Variants in EBF1 observed in about 807,000 individuals in gnomAD.
The protein encoded by EBF1 is transcription factor COE1.
EBF1 carries 10 observed loss-of-function variants against 68.4 expected under a neutral mutation model. That is an observed-to-expected ratio of 0.15 (90% CI 0.09 to 0.25). The LOEUF is 0.25. EBF1 is among the 10% of genes least tolerant of loss of function. The pLI, the probability that EBF1 is intolerant of heterozygous loss-of-function variation, is 1.00. For missense variants in EBF1, 509 were observed against 794.4 expected, an observed-to-expected ratio of 0.64 and a Z score of 4.32; for synonymous variants, 298 against 299.8, an observed-to-expected ratio of 0.99 and a Z score of 0.06.
intron 5 of EBF1, among the ~76,000 whole-genome samples, chr5:159,076,744 C>G (rs755688423): frequency 6.6e-5 from 10 of 152,194 alleles, no homozygotes; most frequent in Non-Finnish European, 1.2e-4. Context: ...GGCTTCTGTT[C>G]TGCACCTCAA....
intron 6 of EBF1, among the ~76,000 whole-genome samples, chr5:159,052,315 T>G (rs1773903019): frequency 6.9e-6 from 1 of 143,984 alleles, no homozygotes; most frequent in Non-Finnish European, 1.5e-5. Flanking sequence ...GTGAAAACTA[T>G]CCTTTGGACG....
intron 6 of EBF1, among the ~76,000 whole-genome samples, chr5:158,897,382 T>C (rs1802379998): frequency 6.6e-6 from 1 of 151,814 alleles, no homozygotes. Flanking sequence ...CATGGACACA[T>C]AGAGGGAAAC....
At chr5:159,008,001 T>C (rs953386619) in intron 6 of EBF1, among the ~76,000 whole-genome samples, 1 of 152,222 alleles carries the variant, frequency 6.6e-6, no homozygotes, top group Admixed American at 6.5e-5. Flanking sequence ...CAATGATCCA[T>C]TTAATCATGA....
intron 10 of EBF1, among the ~76,000 whole-genome samples, chr5:158,758,204 C>A (rs562695693): frequency 6.6e-6 from 1 of 152,180 alleles, no homozygotes; most frequent in Non-Finnish European, 1.5e-5. Flanking sequence ...AAGGTCTTGA[C>A]TCTTGATCCA....
chr5:158,836,267 A>G (rs1037091481), intron 7 of EBF1, among the ~76,000 whole-genome samples: 1 of 152,192 alleles, frequency 6.6e-6, no homozygotes, highest in African/African-American at 2.4e-5. Context: ...TTCTCAGTGC[A>G]TAAATAGTGG....
In EBF1 at chr5:158,899,007, A is replaced by G. The variant is rs142999241; in HGVS notation, c.555-58897T>C. On this transcript the variant is annotated intron_variant, in intron 6 of 15. Coordinates refer to ENST00000313708, the MANE Select transcript of EBF1 (RefSeq NM_024007.5). The stretch of plus-strand genomic sequence containing the variant: ...TTCCTCTAATGAATGCAGAGGAACT[A>G]TCAGCAGCCCAAGACTGTAGACACA... Among the ~76,000 whole-genome samples the G allele has an allele frequency of 6.9e-3, 1,051 of 152,346 alleles. 17 individuals are homozygous for G. Among genetic ancestry groups the G allele is most frequent in the African/African-American group, 0.023 (953 of 41,580 alleles).
At chr5:158,857,940 T>C (rs891962552) in intron 6 of EBF1, among the ~76,000 whole-genome samples, 2 of 152,238 alleles carry the variant, frequency 1.3e-5, no homozygotes, top group African/African-American at 2.4e-5. Flanking sequence ...GTTTAATTAC[T>C]TTCCTTAACA....
chr5:159,009,059 A>G (rs1231728551), intron 6 of EBF1, among the ~76,000 whole-genome samples: 1 of 152,212 alleles, frequency 6.6e-6, no homozygotes, highest in East Asian at 1.9e-4. Flanking sequence ...CCTCAACTAC[A>G]GGAGCTCTGC....
intron 10 of EBF1, among the ~76,000 whole-genome samples, chr5:158,771,979 C>T (rs535943488): frequency 1.3e-5 from 2 of 152,124 alleles, no homozygotes; most frequent in East Asian, 1.9e-4. Flanking sequence ...GGTGAATCAC[C>T]ATGCCCAAAG....
intron 6 of EBF1, among the ~76,000 whole-genome samples, chr5:159,067,656 T>G (rs1356281713): frequency 1.3e-5 from 2 of 152,180 alleles, no homozygotes; most frequent in Admixed American, 6.5e-5. Context: ...TGCACACAAA[T>G]GTACGGGGCT....
At chr5:158,992,274 G>A (rs547047700) in intron 6 of EBF1, among the ~76,000 whole-genome samples, 1 of 149,080 alleles carries the variant, frequency 6.7e-6, no homozygotes, top group Non-Finnish European at 1.5e-5. Context: ...TCACTGTACT[G>A]TGCTCATGTA....
At chr5:158,724,845 A>G (rs373099889) in intron 11 of EBF1, among the ~76,000 whole-genome samples, 2 of 152,234 alleles carry the variant, frequency 1.3e-5, no homozygotes, top group African/African-American at 2.4e-5. Flanking sequence ...GTCTTCCTTC[A>G]TGGTGTGTTC....
chr5:158,906,684 T>C (rs6556370), intron 6 of EBF1, among the ~76,000 whole-genome samples: 90,330 of 152,070 alleles, frequency 0.59, 27,321 homozygotes, highest in South Asian at 0.79. Context: ...ATGACAGAGA[T>C]ATTGAGTAAC....
At chr5:158,836,265 G>T (rs1490357417) in intron 7 of EBF1, among the ~76,000 whole-genome samples, 1 of 152,256 alleles carries the variant, frequency 6.6e-6, no homozygotes, top group Middle Eastern at 3.4e-3. Flanking sequence ...AGTTCTCAGT[G>T]CATAAATAGT....
At chr5:158,902,769 G>A (rs552643471) in intron 6 of EBF1, among the ~76,000 whole-genome samples, 10 of 152,108 alleles carry the variant, frequency 6.6e-5, no homozygotes, top group Non-Finnish European at 1.5e-4. Context: ...AAGGCTTCTC[G>A]TATGGGGACA....
At chr5:158,976,317 T>C (rs1417931546) in intron 6 of EBF1, among the ~76,000 whole-genome samples, 1 of 152,120 alleles carries the variant, frequency 6.6e-6, no homozygotes, top group Non-Finnish European at 1.5e-5. Flanking sequence ...CAGAATGGAT[T>C]TCTTTGTTGG....
chr5:158,776,461 G>T (rs1775276782), intron 10 of EBF1, among the ~76,000 whole-genome samples: 1 of 152,144 alleles, frequency 6.6e-6, no homozygotes, highest in Non-Finnish European at 1.5e-5. Flanking sequence ...ATTACAATTT[G>T]TTAACTGTTA....
intron 11 of EBF1, 68 bp downstream of exon 11, chr5:158,731,001 G>C: frequency 7.0e-7 from 1 of 1,436,630 alleles, no homozygotes; most frequent in East Asian, 2.3e-5. Flanking sequence ...ATTTTTATCA[G>C]CAGCAGAGTT....
intron 6 of EBF1, among the ~76,000 whole-genome samples, chr5:158,918,305 C>T (rs1807654172): frequency 6.6e-6 from 1 of 152,156 alleles, no homozygotes; most frequent in Non-Finnish European, 1.5e-5. Context: ...GCTTAAGGGC[C>T]ATTTATACTA....
Sources: gnomAD v4.1 joint callset for allele counts (sites outside exome capture counted in the v4.1 genomes callset) on GRCh38, gnomAD v4.1.1 for gene constraint, MANE v1.5 for transcripts, NCBI Gene and HGNC (gene_info 2026-07-23, HGNC 2026-07-21) for gene names.